The following TBC1D1 variants were observed in gnomAD, a reference collection of about 807,000 sequenced individuals.
TBC1D1 encodes TBC1 domain family member 1.
TBC1D1 carries 89 observed loss-of-function variants against 125.6 expected under a neutral mutation model. The ratio of observed to expected loss-of-function variants is 0.71; its 90% CI spans 0.60 to 0.85. The LOEUF is 0.85. Ranked by LOEUF, TBC1D1 falls within the 40% of genes least tolerant of loss-of-function variation. The pLI is 0.00. For missense variants in TBC1D1, 1,377 were observed against 1,469.2 expected (o/e 0.94, Z 1.03); for synonymous variants, 565 against 564.1 (o/e 1.00, Z -0.02).
At chr4:37,921,527 C>A (rs1720999025) in intron 2 of TBC1D1, among the ~76,000 whole-genome samples, 1 of 151,548 alleles carries the variant, frequency 6.6e-6, no homozygotes, top group African/African-American at 2.4e-5. Context: ...CTACCTCAGC[C>A]TCCCTAGTAG....
intron 16 of TBC1D1, among the ~76,000 whole-genome samples, chr4:38,117,628 C>G (rs901306395): frequency 2.0e-5 from 3 of 152,186 alleles, no homozygotes; most frequent in Non-Finnish European, 4.4e-5. Context: ...TCATAAGATG[C>G]CCCTAATTCA....
At chr4:37,966,777 C>A (rs916612868) in intron 2 of TBC1D1, among the ~76,000 whole-genome samples, 1 of 152,200 alleles carries the variant, frequency 6.6e-6, no homozygotes, top group African/African-American at 2.4e-5. Flanking sequence ...CCCTACCCCC[C>A]AACAGGCCCC....
intron 2 of TBC1D1, chr4:37,952,306 G>A (rs890045834): frequency 3.8e-6 from 2 of 528,612 alleles, no homozygotes; most frequent in South Asian, 2.2e-5. Context: ...TGTTGACTTG[G>A]GGAAAGGGCT....
intron 8 of TBC1D1, among the ~76,000 whole-genome samples, chr4:38,037,304 A>G (rs757944951): frequency 8.6e-5 from 13 of 151,662 alleles, no homozygotes; most frequent in Non-Finnish European, 1.3e-4. Context: ...AAAACATAAG[A>G]GTTCAATGTA....
At chr4:37,936,976 A>G (rs577698425) in intron 2 of TBC1D1, among the ~76,000 whole-genome samples, 3 of 152,374 alleles carry the variant, frequency 2.0e-5, no homozygotes, top group African/African-American at 7.2e-5. Flanking sequence ...GGCAGTTCAC[A>G]GACTCTGAAA....
At chr4:38,067,354 G>T (rs56183700) in intron 12 of TBC1D1, among the ~76,000 whole-genome samples, 1 of 152,156 alleles carries the variant, frequency 6.6e-6, no homozygotes, top group South Asian at 2.1e-4. Context: ...GAGAATGTTC[G>T]ATGAACAGCA....
At chr4:38,025,295 C>T (rs191085038) in intron 6 of TBC1D1, among the ~76,000 whole-genome samples, 456 of 152,336 alleles carry the variant, frequency 3.0e-3, no homozygotes, top group African/African-American at 0.011. Flanking sequence ...CCCATTCCCT[C>T]CATAAGCCAT....
chr4:38,033,441 C>T (rs1746592105), intron 7 of TBC1D1, among the ~76,000 whole-genome samples: 2 of 151,968 alleles, frequency 1.3e-5, no homozygotes, highest in South Asian at 2.1e-4. Context: ...GTGAAAAGTA[C>T]AGAGTTCCCG....
At chr4:38,096,212 T>G (rs1261380922) in intron 14 of TBC1D1, 122 bp downstream of exon 16, 9 of 753,312 alleles carry the variant, frequency 1.2e-5, no homozygotes, top group Non-Finnish European at 1.5e-5. Context: ...TCATCACATC[T>G]TAATCTATTT....
chr4:38,034,721 T>C (rs1400522168), intron 7 of TBC1D1, among the ~76,000 whole-genome samples: 1 of 152,216 alleles, frequency 6.6e-6, no homozygotes, highest in Non-Finnish European at 1.5e-5. Flanking sequence ...AGGCAATGGA[T>C]ACTTGTCAAC....
intron 2 of TBC1D1, among the ~76,000 whole-genome samples, chr4:37,980,589 T>C (rs1734153864): frequency 6.6e-6 from 1 of 152,218 alleles, no homozygotes; most frequent in African/African-American, 2.4e-5. Flanking sequence ...GTATCTCAAG[T>C]TGGTAGATTT....
chr4:38,115,742 G>C lies in TBC1D1; in HGVS notation c.2590G>C (p.Ala864Pro), dbSNP rs1448290289. The stretch of plus-strand genomic sequence containing the variant: ...CTTTCCTACACACCCATACTTCTCT[G>C]CCCAGCTTGGAGCAGGACAGCTATC... The change falls in exon 16 of 20, where the codon GCC becomes CCC. Residue 864 changes from alanine to proline, a missense_variant. Physicochemically the swap from Ala to Pro is conservative, Grantham distance 27 (BLOSUM62 -1). Coordinates refer to ENST00000261439, the MANE Select transcript of TBC1D1 (RefSeq NM_015173.4). The C allele has an allele frequency of 6.2e-7, 1 of 1,614,006 alleles. No homozygotes were observed. The highest frequency in any genetic ancestry group is 1.1e-5 in the South Asian group (1 of 91,082).
At chr4:37,993,783 TG>T (rs1737173660) in intron 2 of TBC1D1, among the ~76,000 whole-genome samples, 2 of 152,230 alleles carry the variant, frequency 1.3e-5, no homozygotes, top group Non-Finnish European at 2.9e-5. Context: ...GGTTTCACCA[TG>T]TTGGCCAGGC....
chr4:38,004,414 A>G (rs1578228970), intron 2 of TBC1D1, among the ~76,000 whole-genome samples: 3 of 152,330 alleles, frequency 2.0e-5, no homozygotes, highest in Non-Finnish European at 1.5e-5. Flanking sequence ...CAGTTTATGC[A>G]AAGGTTGGGA....
chr4:38,062,269 T>G (rs77580901), intron 12 of TBC1D1, among the ~76,000 whole-genome samples: 15 of 135,704 alleles, frequency 1.1e-4, no homozygotes, highest in Admixed American at 2.2e-4. Flanking sequence ...AGTGTGCTTG[T>G]TTTTTTTTTT....
At chr4:37,947,409 G>A (rs1043171232) in intron 2 of TBC1D1, among the ~76,000 whole-genome samples, 3 of 151,944 alleles carry the variant, frequency 2.0e-5, no homozygotes, top group Admixed American at 6.6e-5. Context: ...CACCTGCTTC[G>A]GTCTCCCAAA....
At chr4:38,029,452 C>T (rs1745720668) in intron 7 of TBC1D1, among the ~76,000 whole-genome samples, 1 of 152,222 alleles carries the variant, frequency 6.6e-6, no homozygotes, top group African/African-American at 2.4e-5. Context: ...ACTGCAACCT[C>T]TGCTTCCCGG....
At chr4:38,024,659 A>G (rs1744717627) in intron 6 of TBC1D1, among the ~76,000 whole-genome samples, 1 of 152,206 alleles carries the variant, frequency 6.6e-6, no homozygotes, top group South Asian at 2.1e-4. Flanking sequence ...GTGCATTGTT[A>G]GTAGAAGAAG....
intron 2 of TBC1D1, among the ~76,000 whole-genome samples, chr4:37,949,467 G>C (rs933475682): frequency 6.6e-6 from 1 of 152,182 alleles, no homozygotes; most frequent in African/African-American, 2.4e-5. Flanking sequence ...GTTGTAGCAC[G>C]TACTGCGGTG....
Sources: gnomAD v4.1 joint callset for allele counts (sites outside exome capture counted in the v4.1 genomes callset) on GRCh38, gnomAD v4.1.1 for gene constraint, MANE v1.5 for transcripts, NCBI Gene and HGNC (gene_info 2026-07-23, HGNC 2026-07-21) for gene names.